Variants in DMD observed in about 807,000 individuals in gnomAD.
The protein encoded by DMD is mutant dystrophin.
Under a neutral mutation model 330.1 loss-of-function variants are expected in DMD, and 63 were observed. The observed-to-expected ratio is 0.19, with a 90% CI of 0.16 to 0.24. The LOEUF is 0.24. DMD is among the 10% of genes least tolerant of loss of function. The pLI is 1.00. For synonymous variants in DMD, 1,223 were observed against 959.8 expected, an observed-to-expected ratio of 1.27 and a Z score of -5.07; for missense variants, 3,344 against 2,684.1, an observed-to-expected ratio of 1.25 and a Z score of -5.43.
chrX:32,868,105 A>G (rs1603450948), intron 2 of DMD, among the ~76,000 whole-genome samples: 1 of 111,295 alleles, frequency 9.0e-6, no homozygotes, highest in Middle Eastern at 4.6e-3. Flanking sequence ...GCCATGGCCC[A>G]CCTGGGAGCC....
At chrX:33,010,091 T>C (rs2093652987) in intron 2 of DMD, among the ~76,000 whole-genome samples, 1 of 102,250 alleles carries the variant, frequency 9.8e-6, no homozygotes, top group Non-Finnish European at 2.0e-5. Context: ...CATGTGTATA[T>C]ATACATGTAT....
chrX:32,488,896 C>A (rs781741911), intron 20 of DMD, among the ~76,000 whole-genome samples: 2 of 110,958 alleles, frequency 1.8e-5, no homozygotes, highest in East Asian at 2.8e-4. Context: ...CATTCAGGTG[C>A]TTGGCCTTTA....
chrX:31,336,269 C>G (rs1224883593), intron 61 of DMD, among the ~76,000 whole-genome samples: 1 of 75,455 alleles, frequency 1.3e-5, no homozygotes, highest in Non-Finnish European at 2.4e-5. Context: ...TTTCACCCAA[C>G]AGGGGACATC....
chrX:32,240,406 C>T (rs902108250), intron 43 of DMD, among the ~76,000 whole-genome samples: 4 of 111,168 alleles, frequency 3.6e-5, no homozygotes, highest in African/African-American at 1.3e-4. Context: ...GACCTGCTGC[C>T]TTGTGAGGTT....
At position 31,658,071 on chromosome X, in the gene DMD, C is replaced by T. The variant is rs2080893099; in HGVS notation, c.7946G>A (p.Arg2649Gln). The T allele has an allele frequency of 3.3e-6, 4 of 1,211,423 alleles. No individual in the cohort carries two copies. Among genetic ancestry groups the T allele is most frequent in the South Asian group, 1.8e-5 (1 of 56,997 alleles). Residue 2649 changes from arginine to glutamine, a missense_variant, in exon 54 of 79, where the codon CGG becomes CAG. Physicochemically the swap from Arg to Gln is conservative, Grantham distance 43. Transcript: ENST00000357033. ...TCTGGTATCATCTGCAGAATAATCC[C>T]GGAGAAGTTTCAGGGCCAAGTCATT... ...VANDLALKLLRDYSADDTRKV... is the reference protein window; with the variant it reads ...VANDLALKLLQDYSADDTRKV...
chrX:31,232,986 A>G (rs1034622120), intron 63 of DMD, among the ~76,000 whole-genome samples: 27 of 112,249 alleles, frequency 2.4e-4, no homozygotes, highest in Admixed American at 2.4e-3. Flanking sequence ...TCCAGAAGGA[A>G]CTTCAACTTC....
chrX:31,253,260 C>T (rs899908942), intron 63 of DMD, among the ~76,000 whole-genome samples: 1 of 112,217 alleles, frequency 8.9e-6, no homozygotes, highest in African/African-American at 3.2e-5. Flanking sequence ...CTTTCCAGTT[C>T]AAAGCGTTAT....
chrX:32,479,579 C>G (rs1387121706), intron 21 of DMD, among the ~76,000 whole-genome samples: 1 of 110,192 alleles, frequency 9.1e-6, no homozygotes, highest in African/African-American at 3.3e-5. Flanking sequence ...TAATGTCCGC[C>G]AGTTCTATCT....
chrX:31,717,071 A>G (rs1388621599), intron 52 of DMD, among the ~76,000 whole-genome samples: 1 of 111,461 alleles, frequency 9.0e-6, no homozygotes, highest in Non-Finnish European at 1.9e-5. Flanking sequence ...AATAAGGACA[A>G]TATCTACCAT....
chrX:32,603,048 C>A (rs5971646), intron 12 of DMD, among the ~76,000 whole-genome samples: 18,915 of 110,783 alleles, frequency 0.17, 3,939 homozygotes, highest in African/African-American at 0.59. Context: ...TCTATTCTAC[C>A]ACCACAGAAT....
At chrX:31,310,176 CCTCTCTCT>C (rs3032536) in intron 62 of DMD, among the ~76,000 whole-genome samples, 2 of 91,549 alleles carry the variant, frequency 2.2e-5, no homozygotes, top group Admixed American at 1.2e-4. Flanking sequence ...TCTTCGTTGT[CCTCTCTCT>C]CTCTCTCTCT....
At chrX:32,183,329 G>C (rs2096933697) in intron 44 of DMD, among the ~76,000 whole-genome samples, 2 of 109,871 alleles carry the variant, frequency 1.8e-5, no homozygotes, top group South Asian at 7.6e-4. Flanking sequence ...TGAATGCTTT[G>C]AAGAAAATAA....
intron 1 of DMD, among the ~76,000 whole-genome samples, chrX:33,271,348 TA>T (rs745388462): frequency 2.3e-3 from 222 of 98,257 alleles, no homozygotes; most frequent in Middle Eastern, 5.1e-3. Context: ...TACCTAAAAC[TA>T]AAAAAAAAAA....
chrX:33,195,946 A>G (rs765751381), intron 1 of DMD, among the ~76,000 whole-genome samples: 12 of 111,717 alleles, frequency 1.1e-4, no homozygotes, highest in Middle Eastern at 9.3e-3. Context: ...AGCACAGGCT[A>G]TCTCCTCAAG....
At chrX:32,115,485 C>A (rs2096606843) in intron 44 of DMD, among the ~76,000 whole-genome samples, 1 of 111,245 alleles carries the variant, frequency 9.0e-6, no homozygotes, top group Non-Finnish European at 1.9e-5. Context: ...TCAAGTAATT[C>A]TCCTATCCTG....
At position 32,462,680 on chromosome X, in the gene DMD, G is replaced by A. The variant is rs767071807; in HGVS notation, c.3432+759C>T. Among the ~76,000 whole-genome samples, 4 of 110,984 alleles carry A rather than the reference G, an allele frequency of 3.6e-5. No individual in the cohort carries two copies. In the South Asian group the frequency reaches 1.5e-3, roughly 42 times the overall value. Reference sequence around the variant, plus strand: ...TTATTTAAAACTAGATGTCAGCCAGGTGTGGTAACTCACACCTATAATTCC... The same window carrying A: ...TTATTTAAAACTAGATGTCAGCCAGATGTGGTAACTCACACCTATAATTCC... On this transcript the variant is annotated intron_variant, in intron 25 of 78. Coordinates refer to ENST00000357033, the MANE Select transcript of DMD (RefSeq NM_004006.3).
chrX:32,171,339 T>C (rs2096886936), intron 44 of DMD, among the ~76,000 whole-genome samples: 1 of 111,596 alleles, frequency 9.0e-6, no homozygotes, highest in South Asian at 3.7e-4. Context: ...TATACAATAA[T>C]AGTTCTTCTT....
chrX:32,538,759 T>A (rs1444568943), intron 17 of DMD, among the ~76,000 whole-genome samples: 1 of 111,504 alleles, frequency 9.0e-6, no homozygotes, highest in Non-Finnish European at 1.9e-5. Context: ...TCCACGCCTA[T>A]TAGAATTAGA....
chrX:31,474,548 CAAA>C (rs201882496), intron 59 of DMD, among the ~76,000 whole-genome samples: 2 of 90,074 alleles, frequency 2.2e-5, no homozygotes, highest in Non-Finnish European at 2.2e-5. Context: ...CTAAAAAATA[CAAA>C]AAAAAAAAAA....
Sources: allele counts gnomAD v4.1 joint callset (sites outside exome capture counted in the v4.1 genomes callset), GRCh38; gene constraint gnomAD v4.1.1; transcripts MANE v1.5; gene names NCBI Gene and HGNC (gene_info 2026-07-23, HGNC 2026-07-21).